The following MNS1 variants were observed in gnomAD, a reference collection of about 807,000 sequenced individuals.
MNS1 encodes the protein meiosis specific nuclear structural 1, also known as meiosis-specific nuclear structural protein 1.
MNS1 carries 63 observed loss-of-function variants against 72.0 expected under a neutral mutation model. The observed-to-expected ratio is 0.87, with a 90% CI of 0.71 to 1.08. The LOEUF (loss-of-function observed/expected upper bound fraction) is 1.08. Among genes scored for constraint, MNS1 ranks in the 50% least tolerant of loss-of-function variants. The pLI is 0.00. For missense variants in MNS1, 604 were observed against 562.4 expected, an observed-to-expected ratio of 1.07 and a Z score of -0.75; for synonymous variants, 188 against 172.1, an observed-to-expected ratio of 1.09 and a Z score of -0.72.
chr15:56,430,089 A>G (rs1296175626), intron 9 of MNS1: 1 of 152,266 alleles, frequency 6.6e-6, no homozygotes, highest in African/African-American at 2.4e-5. Flanking sequence ...CAGAGTGAAT[A>G]TAATAAAATA....
Position 56,429,067 on chromosome 15 carries a change from C to CA in MNS1, c.*33dup, listed in dbSNP as rs547329008. 452 of 1,424,144 alleles carry CA rather than the reference C, an allele frequency of 3.2e-4. 3 individuals carry two copies. In the African/African-American group the frequency reaches 5.4e-3, roughly 17 times the overall value. The allele number at this position is 1,424,144 out of a possible 1,614,324, so 88.2% of individuals were successfully genotyped here. ...TATGCTGACATCTAGTGGTAACATG[C>CA]AAAAAATCTATGCTTTACCCAATTT... On this transcript the variant is annotated 3_prime_UTR_variant, in exon 10 of 10. Transcript: ENST00000260453.
chr15:56,431,529 A>G (rs201121542), intron 8 of MNS1, 31 bp from the exon 9 acceptor site: 4 of 1,611,514 alleles, frequency 2.5e-6, no homozygotes, highest in East Asian at 2.2e-5. Flanking sequence ...TTGTTATCAC[A>G]AAGTACATTA....
At chr15:56,449,016 A>C (rs1192428009) in intron 3 of MNS1, among the ~76,000 whole-genome samples, 1 of 152,118 alleles carries the variant, frequency 6.6e-6, no homozygotes, top group African/African-American at 2.4e-5. Flanking sequence ...TGGCCTTGCA[A>C]AGTGCTGGGA....
At chr15:56,429,798 T>G (rs1376086865) in intron 9 of MNS1, 3 of 152,202 alleles carry the variant, frequency 2.0e-5, no homozygotes, top group Non-Finnish European at 4.4e-5. Context: ...ATAACTGAAG[T>G]CATTTGGCAC....
At chr15:56,431,166 C>T (rs2050582660) in intron 9 of MNS1, among the ~76,000 whole-genome samples, 1 of 152,104 alleles carries the variant, frequency 6.6e-6, no homozygotes, top group Non-Finnish European at 1.5e-5. Context: ...AAATCAAGCT[C>T]ATACATCTAA....
intron 3 of MNS1, among the ~76,000 whole-genome samples, chr15:56,449,093 T>C (rs1161321130): frequency 6.6e-6 from 1 of 152,198 alleles, no homozygotes; most frequent in African/African-American, 2.4e-5. Context: ...CATACAATCA[T>C]ATCATCTGTG....
At chr15:56,464,944 A>G (rs764767976) in intron 1 of MNS1, 26 bp downstream of exon 1, 2 of 1,611,554 alleles carry the variant, frequency 1.2e-6, no homozygotes, top group East Asian at 4.5e-5. Context: ...ATAAACAAGT[A>G]GTTTCAAGTC....
chr15:56,441,418 C>T (rs191313204), intron 7 of MNS1, among the ~76,000 whole-genome samples: 271 of 152,064 alleles, frequency 1.8e-3, no homozygotes, highest in Non-Finnish European at 3.0e-3. Flanking sequence ...GCTTTCAATA[C>T]GATATCCTGC....
At chr15:56,442,872 A>G (rs1452264076) in intron 7 of MNS1, among the ~76,000 whole-genome samples, 2 of 151,854 alleles carry the variant, frequency 1.3e-5, no homozygotes, top group Admixed American at 6.6e-5. Flanking sequence ...CAGCACATGT[A>G]CCTCCTGAAC....
At chr15:56,464,833 G>A (rs1235808546) in intron 1 of MNS1, 137 bp downstream of exon 1, 7 of 1,260,796 alleles carry the variant, frequency 5.6e-6, no homozygotes, top group African/African-American at 1.5e-5. Context: ...AGCACCTGAA[G>A]CCTCCGAAAG....
intron 2 of MNS1, among the ~76,000 whole-genome samples, chr15:56,459,174 C>A (rs1270569839): frequency 6.6e-6 from 1 of 152,192 alleles, no homozygotes; most frequent in African/African-American, 2.4e-5. Flanking sequence ...CATGGATTTG[C>A]ATATTCTGGA....
At chr15:56,439,054 G>GA (rs1175880255) in intron 7 of MNS1, among the ~76,000 whole-genome samples, 1 of 151,818 alleles carries the variant, frequency 6.6e-6, no homozygotes, top group Non-Finnish European at 1.5e-5. Flanking sequence ...ACTATGTAGG[G>GA]AAAAAAAATC....
chr15:56,433,016 A>AT lies in MNS1; in HGVS notation c.1269+1121_1269+1122insA, dbSNP rs2050639450. 3.3e-5 allele frequency among the ~76,000 whole-genome samples: 5 copies of AT among 152,214 alleles called. No homozygotes were observed. In the South Asian group the frequency reaches 1.0e-3, roughly 31 times the overall value. On this transcript the variant is annotated intron_variant, in intron 8 of 9. Coordinates refer to ENST00000260453, the MANE Select transcript of MNS1 (RefSeq NM_018365.4). Reference sequence around the variant, plus strand: ...TTTACGGATGAGACATAAATAAGTCAATGTATCCAAAGCCAAAAACTTCAT... The same window carrying AT: ...TTTACGGATGAGACATAAATAAGTCATATGTATCCAAAGCCAAAAACTTCAT...
At chr15:56,450,801 CTTTG>C (rs1465942275) in intron 3 of MNS1, among the ~76,000 whole-genome samples, 2 of 152,006 alleles carry the variant, frequency 1.3e-5, no homozygotes, top group African/African-American at 2.4e-5. Flanking sequence ...TATGGTAATC[CTTTG>C]TTTAACTTTT....
At position 56,434,317 on chromosome 15, in the gene MNS1, C is replaced by G. The variant is rs2050680737; in HGVS notation, c.1090G>C (p.Val364Leu). The G allele has an allele frequency of 6.2e-7, 1 of 1,613,828 alleles. No homozygotes were observed. The highest frequency in any genetic ancestry group is 8.5e-7 in the Non-Finnish European group (1 of 1,179,890). ...FEEQMALKEL[V>L]LQAAKEEEEN... ...TCTTCCTCTTTTGCAGCCTGTAGCA[C>G]TAATTCCTTCAAGGCCATTTGTTCT... Residue 364 changes from valine (V) to leucine (L), a missense_variant, in exon 8 of 10, where the codon GTG (valine) becomes CTG (leucine). By Grantham distance (32) the Val-to-Leu change is conservative. Transcript: ENST00000260453.
intron 9 of MNS1, chr15:56,429,925 C>G (rs1261452117): frequency 3.3e-5 from 5 of 152,100 alleles, no homozygotes; most frequent in South Asian, 4.1e-4. Context: ...GACATTCCTA[C>G]AATTTATAAT....
At chr15:56,443,894 A>T in intron 5 of MNS1, 40 bp from the exon 6 acceptor site, 1 of 1,384,210 alleles carries the variant, frequency 7.2e-7, no homozygotes, top group Non-Finnish European at 9.7e-7. Context: ...AGTAAACAAT[A>T]AAATATAAAA....
chr15:56,456,274 G>T, intron 3 of MNS1, 120 bp downstream of exon 3: 1 of 862,054 alleles, frequency 1.2e-6, no homozygotes, highest in Non-Finnish European at 1.7e-6. Context: ...AGTATTTCCA[G>T]GTAAAATATT....
At chr15:56,433,313 A>G (rs1318020315) in intron 8 of MNS1, among the ~76,000 whole-genome samples, 6 of 152,044 alleles carry the variant, frequency 3.9e-5, no homozygotes, top group Middle Eastern at 3.2e-3. Flanking sequence ...TAATGCATGC[A>G]GGGCTTAAAA....
Sources: allele counts gnomAD v4.1 joint callset (sites outside exome capture counted in the v4.1 genomes callset), GRCh38; gene constraint gnomAD v4.1.1; transcripts MANE v1.5; gene names NCBI Gene and HGNC (gene_info 2026-07-23, HGNC 2026-07-21).